Variants in NNT observed in about 807,000 individuals in gnomAD.
The protein encoded by NNT is nicotinamide nucleotide transhydrogenase.
Under a neutral mutation model 104.8 loss-of-function variants are expected in NNT, and 50 were observed. The ratio of observed to expected loss-of-function variants is 0.48; its 90% CI spans 0.38 to 0.60. The LOEUF is 0.60. Ranked by LOEUF, NNT falls within the 20% of genes least tolerant of loss-of-function variation. The probability of loss-of-function intolerance (pLI) is 0.00; values close to 1 mark genes in which losing one functional copy is unlikely to be tolerated. For synonymous variants in NNT, 461 were observed against 490.4 expected, an observed-to-expected ratio of 0.94 and a Z score of 0.79; for missense variants, 1,131 against 1,330.7, an observed-to-expected ratio of 0.85 and a Z score of 2.33.
At chr5:43,677,605 G>T (rs1242963858) in intron 18 of NNT, 120 bp from the exon 19 acceptor site, 60 of 828,484 alleles carry the variant, frequency 7.2e-5, no homozygotes, top group Non-Finnish European at 1.1e-4. Context: ...TTCATTTCTA[G>T]TCCTGTTAAA....
intron 12 of NNT, among the ~76,000 whole-genome samples, chr5:43,651,184 C>T (rs1739738656): frequency 6.6e-6 from 1 of 152,024 alleles, no homozygotes. Flanking sequence ...TTTAGTCATG[C>T]AGAAATAGTT....
chr5:43,675,407 A>G, intron 17 of NNT, 104 bp from the exon 18 acceptor site: 2 of 1,060,972 alleles, frequency 1.9e-6, no homozygotes, highest in Non-Finnish European at 2.6e-6. Flanking sequence ...AAATGATCAA[A>G]TAAACCTTTT....
chr5:43,607,485 C>T (rs933120481), intron 1 of NNT, among the ~76,000 whole-genome samples: 4 of 152,182 alleles, frequency 2.6e-5, no homozygotes, highest in Admixed American at 2.6e-4. Flanking sequence ...ACTGCCCCAC[C>T]CCTATCTGTC....
At chr5:43,660,450 T>C (rs549033164) in intron 17 of NNT, among the ~76,000 whole-genome samples, 2 of 152,324 alleles carry the variant, frequency 1.3e-5, no homozygotes, top group African/African-American at 2.4e-5. Context: ...TTTCAAATTA[T>C]GGATGTTATT....
intron 14 of NNT, among the ~76,000 whole-genome samples, chr5:43,655,264 C>A (rs955063120): frequency 6.6e-5 from 10 of 152,172 alleles, no homozygotes; most frequent in Non-Finnish European, 1.5e-4. Context: ...CGGGAAGAGG[C>A]ACGCATTGAT....
intron 19 of NNT, among the ~76,000 whole-genome samples, chr5:43,679,240 A>G (rs896529850): frequency 6.6e-6 from 1 of 152,256 alleles, no homozygotes; most frequent in Admixed American, 6.5e-5. Context: ...TGATTTTCCT[A>G]AAAAGAAACT....
intron 7 of NNT, among the ~76,000 whole-genome samples, chr5:43,632,505 G>A (rs976649815): frequency 6.6e-6 from 1 of 152,188 alleles, no homozygotes; most frequent in Non-Finnish European, 1.5e-5. Context: ...GATTGTATGT[G>A]GAATGAGATA....
At chr5:43,616,212 C>A in intron 4 of NNT, 147 bp downstream of exon 4, 2 of 670,542 alleles carry the variant, frequency 3.0e-6, no homozygotes, top group Non-Finnish European at 5.0e-6. Context: ...TTATTTTTGA[C>A]TCATTTTATT....
chr5:43,669,419 G>C (rs1343223535), intron 17 of NNT, among the ~76,000 whole-genome samples: 7 of 152,180 alleles, frequency 4.6e-5, no homozygotes, highest in Non-Finnish European at 8.8e-5. Flanking sequence ...CTGTGGGTTT[G>C]TCATAGATAG....
At chr5:43,649,077 G>A (rs1483516173) in intron 10 of NNT, 70 bp from the exon 11 acceptor site, 20 of 1,492,074 alleles carry the variant, frequency 1.3e-5, no homozygotes, top group African/African-American at 1.4e-5. Flanking sequence ...ACATATTTAT[G>A]TATGTGCTTT....
Position 43,701,941 on chromosome 5 carries a change from ATTTAT to A in NNT, c.2996-662_2996-658del, listed in dbSNP as rs569199378. Among the ~76,000 whole-genome samples, 17 of 151,858 alleles carry A rather than the reference ATTTAT, an allele frequency of 1.1e-4. 3 individuals are homozygous for A. Among genetic ancestry groups the A allele is most frequent in the African/African-American group, 3.9e-4 (16 of 41,498 alleles). On this transcript the variant is annotated intron_variant, in intron 20 of 21. Transcript: ENST00000344920. The stretch of plus-strand genomic sequence containing the variant: ...AAATATTTTTTAAAATTTTTTTAAA[ATTTAT>A]TTTATTTTATTTTATTTGCTTGTTG...
At chr5:43,668,691 G>T (rs1318604515) in intron 17 of NNT, among the ~76,000 whole-genome samples, 10 of 152,138 alleles carry the variant, frequency 6.6e-5, no homozygotes, top group East Asian at 3.9e-4. Context: ...AGCCTTGTAG[G>T]ATAGTTTGAA....
At chr5:43,663,357 C>CA (rs1740471794) in intron 17 of NNT, among the ~76,000 whole-genome samples, 1 of 152,146 alleles carries the variant, frequency 6.6e-6, no homozygotes, top group Non-Finnish European at 1.5e-5. Flanking sequence ...ATTCACCAGT[C>CA]AAAGCTCTTA....
chr5:43,661,395 T>C (rs1367481745), intron 17 of NNT, among the ~76,000 whole-genome samples: 1 of 134,550 alleles, frequency 7.4e-6, no homozygotes, highest in Non-Finnish European at 1.6e-5. Flanking sequence ...TGGCTTTTAT[T>C]TATTTATTTA....
chr5:43,676,911 G>A (rs1395295939), intron 18 of NNT, among the ~76,000 whole-genome samples: 1 of 152,128 alleles, frequency 6.6e-6, no homozygotes, highest in African/African-American at 2.4e-5. Flanking sequence ...GGAATAGCTT[G>A]AGCAGAGACT....
chr5:43,612,833 T>C, intron 2 of NNT, 75 bp from the exon 3 acceptor site: 1 of 1,092,534 alleles, frequency 9.2e-7, no homozygotes, highest in Non-Finnish European at 1.4e-6. Context: ...TTCAATTTTC[T>C]GAAATCTGTT....
chr5:43,667,522 G>T (rs573928479), intron 17 of NNT, among the ~76,000 whole-genome samples: 3 of 152,164 alleles, frequency 2.0e-5, no homozygotes, highest in South Asian at 4.2e-4. Context: ...GCAGTGTTTG[G>T]TTTTTTGTTC....
intron 10 of NNT, among the ~76,000 whole-genome samples, chr5:43,647,614 C>T (rs1739521651): frequency 6.6e-6 from 1 of 152,146 alleles, no homozygotes; most frequent in Non-Finnish European, 1.5e-5. Context: ...TTTTGTCAGC[C>T]TTTCTCTTCC....
chr5:43,633,549 C>T (rs147258380), intron 7 of NNT, among the ~76,000 whole-genome samples: 325 of 152,222 alleles, frequency 2.1e-3, no homozygotes, highest in African/African-American at 7.4e-3. Context: ...CTTTTTTCTG[C>T]ACTCAAAGAA....
Sources: gnomAD v4.1 joint callset for allele counts (sites outside exome capture counted in the v4.1 genomes callset) on GRCh38, gnomAD v4.1.1 for gene constraint, MANE v1.5 for transcripts, NCBI Gene and HGNC (gene_info 2026-07-23, HGNC 2026-07-21) for gene names.